The following GPC5 variants were observed in gnomAD, a reference collection of about 807,000 sequenced individuals.
GPC5 encodes the protein glypican 5, also known as glypican-5.
In GPC5, 47 loss-of-function variants were observed where a neutral mutation model predicts 53.9. The observed-to-expected ratio is 0.87, with a 90% confidence interval of 0.69 to 1.11. The LOEUF is 1.11. Among genes scored for constraint, GPC5 ranks in the 50% most tolerant of loss-of-function variants. The probability of loss-of-function intolerance (pLI) is 0.00; values close to 1 mark genes in which losing one functional copy is unlikely to be tolerated. For missense variants in GPC5, 748 were observed against 713.1 expected (o/e 1.05, Z -0.56); for synonymous variants, 286 against 263.3 (o/e 1.09, Z -0.84).
At chr13:92,638,590 CT>C (rs1343512215) in intron 7 of GPC5, among the ~76,000 whole-genome samples, 137 of 149,326 alleles carry the variant, frequency 9.2e-4, no homozygotes, top group African/African-American at 3.4e-3. Context: ...TTCTTAGTCT[CT>C]CTCTAAGCTC....
intron 7 of GPC5, among the ~76,000 whole-genome samples, chr13:92,663,038 T>A (rs1886402140): frequency 6.6e-6 from 1 of 152,082 alleles, no homozygotes. Context: ...TCACGCTAAG[T>A]AGAAAAATAG....
chr13:92,488,134 T>C (rs916667481), intron 7 of GPC5, among the ~76,000 whole-genome samples: 4 of 151,926 alleles, frequency 2.6e-5, no homozygotes, highest in South Asian at 2.1e-4. Flanking sequence ...TGTGTGCGCG[T>C]GTGTGTGTGT....
intron 7 of GPC5, among the ~76,000 whole-genome samples, chr13:92,156,234 G>A (rs886080588): frequency 6.6e-6 from 1 of 151,858 alleles, no homozygotes; most frequent in Non-Finnish European, 1.5e-5. Context: ...CTTGTATGTG[G>A]AATCCCCTCA....
intron 7 of GPC5, among the ~76,000 whole-genome samples, chr13:92,673,567 T>C (rs34715171): frequency 0.22 from 33,653 of 152,134 alleles, 4,396 homozygotes; most frequent in South Asian, 0.36. Flanking sequence ...CCAGCCAAAA[T>C]GAATTAGTCT....
chr13:92,551,553 T>C (rs529787088), intron 7 of GPC5, among the ~76,000 whole-genome samples: 1 of 151,928 alleles, frequency 6.6e-6, no homozygotes, highest in East Asian at 1.9e-4. Context: ...CTATTAAGAG[T>C]CAGATAAATG....
At chr13:92,284,604 C>T (rs1464144534) in intron 7 of GPC5, among the ~76,000 whole-genome samples, 2 of 152,024 alleles carry the variant, frequency 1.3e-5, no homozygotes, top group Non-Finnish European at 1.5e-5. Flanking sequence ...AATCAATAAA[C>T]ATAAACCAGC....
intron 2 of GPC5, among the ~76,000 whole-genome samples, chr13:91,664,648 T>A (rs537234902): frequency 6.6e-6 from 1 of 152,170 alleles, no homozygotes; most frequent in African/African-American, 2.4e-5. Context: ...TTATATACAT[T>A]TTTTTTGAAA....
At chr13:91,546,010 AC>A (rs1378965977) in intron 2 of GPC5, among the ~76,000 whole-genome samples, 1 of 152,012 alleles carries the variant, frequency 6.6e-6, no homozygotes, top group Non-Finnish European at 1.5e-5. Flanking sequence ...ATCTCCTGAA[AC>A]CCTTACACAT....
intron 5 of GPC5, among the ~76,000 whole-genome samples, chr13:91,781,414 C>T (rs1056414351): frequency 1.1e-4 from 17 of 152,210 alleles, no homozygotes; most frequent in African/African-American, 4.1e-4. Flanking sequence ...CTTCAATACT[C>T]ACTAACAAAT....
intron 7 of GPC5, among the ~76,000 whole-genome samples, chr13:92,231,586 C>T (rs16947150): frequency 0.17 from 24,809 of 148,212 alleles, 2,430 homozygotes; most frequent in Admixed American, 0.22. Flanking sequence ...TTTTAACTAC[C>T]TGTTGAAATA....
intron 7 of GPC5, among the ~76,000 whole-genome samples, chr13:92,548,081 C>T (rs1181354414): frequency 4.6e-5 from 7 of 150,586 alleles, no homozygotes; most frequent in African/African-American, 1.7e-4. Flanking sequence ...CCTCGTGATC[C>T]GCCCGCCTCA....
chr13:92,491,701 T>G (rs1394671636), intron 7 of GPC5, among the ~76,000 whole-genome samples: 1 of 152,148 alleles, frequency 6.6e-6, no homozygotes, highest in Non-Finnish European at 1.5e-5. Context: ...TATTGTCGAA[T>G]GTACTGTCTT....
At chr13:91,772,282 T>C (rs989199586) in intron 5 of GPC5, among the ~76,000 whole-genome samples, 1 of 152,204 alleles carries the variant, frequency 6.6e-6, no homozygotes, top group African/African-American at 2.4e-5. Context: ...AATTCATTGA[T>C]ACTACAGTAT....
intron 7 of GPC5, among the ~76,000 whole-genome samples, chr13:92,833,104 G>A (rs1382886442): frequency 2.0e-5 from 3 of 152,086 alleles, no homozygotes; most frequent in Non-Finnish European, 4.4e-5. Flanking sequence ...ATAAAAGCTG[G>A]GTTTGAGTTA....
In GPC5 at chr13:92,446,049, T is replaced by C. The variant is rs1052492735; in HGVS notation, c.1561+301060T>C. Among the ~76,000 whole-genome samples the C allele has an allele frequency of 5.3e-5, 8 of 152,296 alleles. No homozygotes were observed. The East Asian group carries it at 1.5e-3, about 29-fold the overall frequency. On this transcript the variant is annotated intron_variant, in intron 7 of 7. Transcript: ENST00000377067. The stretch of plus-strand genomic sequence containing the variant: ...GTAATGTGTAATAATTACATCAATG[T>C]AACTGGACTGTCTATCACCTCAAGC...
chr13:91,970,682 T>C (rs929000880), intron 6 of GPC5, among the ~76,000 whole-genome samples: 6 of 152,116 alleles, frequency 3.9e-5, no homozygotes, highest in Non-Finnish European at 8.8e-5. Flanking sequence ...TGAAGGGTTG[T>C]TGAATTTTGT....
At chr13:92,530,125 A>G (rs1881503098) in intron 7 of GPC5, among the ~76,000 whole-genome samples, 1 of 152,192 alleles carries the variant, frequency 6.6e-6, no homozygotes, top group South Asian at 2.1e-4. Flanking sequence ...AATAATATGC[A>G]GCATTGTCCT....
intron 6 of GPC5, among the ~76,000 whole-genome samples, chr13:92,037,208 CA>C (rs2040900563): frequency 1.3e-5 from 2 of 152,076 alleles, no homozygotes. Flanking sequence ...TACACACACA[CA>C]CACGTATGCG....
intron 7 of GPC5, among the ~76,000 whole-genome samples, chr13:92,567,796 T>C (rs1882906846): frequency 1.3e-5 from 2 of 152,268 alleles, no homozygotes; most frequent in South Asian, 4.1e-4. Flanking sequence ...GTTGGCCTCG[T>C]GACCTACAGA....
Sources: allele counts gnomAD v4.1 joint callset (sites outside exome capture counted in the v4.1 genomes callset), GRCh38; gene constraint gnomAD v4.1.1; transcripts MANE v1.5; gene names NCBI Gene and HGNC (gene_info 2026-07-23, HGNC 2026-07-21).